Variants in PRR3 observed in about 807,000 individuals in gnomAD.
PRR3 encodes the protein proline rich 3, also known as proline-rich protein 3.
A neutral mutation model predicts 22.4 loss-of-function variants in PRR3; 16 were observed. That is an observed-to-expected ratio of 0.71 (90% confidence interval 0.48 to 1.09). The LOEUF (loss-of-function observed/expected upper bound fraction) is 1.09. Ranked by LOEUF, PRR3 falls within the 50% of genes least tolerant of loss-of-function variation. PRR3 has a pLI of 0.00. For synonymous variants in PRR3, 87 were observed against 88.6 expected (o/e 0.98, Z 0.10); for missense variants, 224 against 243.4 (o/e 0.92, Z 0.53).
intron 3 of PRR3, 66 bp from the exon 4 acceptor site, chr6:30,562,323 C>T (rs751137781): frequency 2.3e-5 from 30 of 1,282,464 alleles, no homozygotes; most frequent in Middle Eastern, 1.9e-4. Context: ...TCTGTCTCTG[C>T]GTTTCATTGT....
chr6:30,557,102 A>T (rs1800280332), upstream of PRR3: 4 of 702,460 alleles, frequency 5.7e-6, no homozygotes, highest in Non-Finnish European at 7.8e-6. Flanking sequence ...TAATTTTTTC[A>T]AAGCATTTAT....
chr6:30,557,203 T>C, upstream of PRR3: 1 of 744,488 alleles, frequency 1.3e-6, no homozygotes, highest in Non-Finnish European at 2.4e-6. Flanking sequence ...CCGCCGCAGA[T>C]GTTCTCCGCA....
Position 30,562,741 on chromosome 6 carries a change from T to G in PRR3, c.*246T>G. 2.5e-6 allele frequency: 1 copy of G among 398,536 alleles called. No homozygotes were observed. The highest frequency in any genetic ancestry group is 4.2e-5 in the Admixed American group (1 of 23,872). 24.7% of individuals were successfully genotyped at this position (398,536 alleles called of 1,614,324 possible). On this transcript the variant is annotated 3_prime_UTR_variant, in exon 4 of 4. Coordinates refer to ENST00000376560, the MANE Select transcript of PRR3 (RefSeq NM_025263.4). ...CTTTGGGACCCATCTTTGCTTCCTT[T>G]CAGTTGCCTCCTGGATCTTCTTTCC... is the stretch of plus-strand genomic sequence containing the variant.
At position 30,562,127 on chromosome 6, in the gene PRR3, GA is replaced by G; in HGVS notation, c.460+4del. 6.4e-7 allele frequency: 1 copy of G among 1,563,134 alleles called. No individual in the cohort carries two copies. ...GGATGACCCCCAGGTTATGGAAGGT[GA>G]GGTCCATTTTGTTATGCCCATTACT... is the stretch of plus-strand genomic sequence containing the variant. On this transcript the variant is annotated splice_donor_region_variant and intron_variant, in intron 3 of 3. Transcript: ENST00000376560.
chr6:30,562,615 C>T lies in PRR3; in HGVS notation c.*120C>T. The T allele has an allele frequency of 1.5e-6, 1 of 670,662 alleles. No homozygotes were observed. Among genetic ancestry groups the T allele is most frequent in the Non-Finnish European group, 2.6e-6 (1 of 382,010 alleles). The allele number at this position is 670,662 out of a possible 1,614,324, so 41.5% of individuals were successfully genotyped here. Reference sequence around the variant, plus strand: ...CTAACACCCTCAGTCAGTGACACACCCATCCCATCCACCACTTCCCCCGTG... The same window carrying T: ...CTAACACCCTCAGTCAGTGACACACTCATCCCATCCACCACTTCCCCCGTG... On this transcript the variant is annotated 3_prime_UTR_variant, in exon 4 of 4. Transcript: ENST00000376560.
intron 2 of PRR3, among the ~76,000 whole-genome samples, chr6:30,559,041 C>T (rs892997376): frequency 6.6e-6 from 1 of 152,208 alleles, no homozygotes; most frequent in Non-Finnish European, 1.5e-5. Flanking sequence ...CGTATACACA[C>T]TAACCATAAA....
Position 30,561,612 on chromosome 6 carries a change from C to A in PRR3, c.170-222C>A. 2 of 602,328 alleles carry A rather than the reference C, an allele frequency of 3.3e-6. No homozygotes were observed. The highest frequency in any genetic ancestry group is 5.9e-6 in the Non-Finnish European group (2 of 340,660). The allele number at this position is 602,328 out of a possible 1,614,324, so 37.3% of individuals were successfully genotyped here. Reference sequence around the variant, plus strand: ...GGAGGGTGGGTAATGGGAAAAGGGGCACAAGGGGAGGATCTTTTGAGGTGC... The same window carrying A: ...GGAGGGTGGGTAATGGGAAAAGGGGAACAAGGGGAGGATCTTTTGAGGTGC... On this transcript the variant is annotated intron_variant, in intron 2 of 3. Transcript: ENST00000376560. This position sits in a 1 kb window ranked among gnomAD's most constrained non-coding sequence, Gnocchi z 4.0.
At position 30,562,307 on chromosome 6, in the gene PRR3, TCTC is replaced by T. The variant is rs543334722; in HGVS notation, c.461-79_461-77del. 8.5e-4 allele frequency: 1,032 copies of T among 1,207,988 alleles called. 11 individuals carry two copies. In the African/African-American group the frequency reaches 0.014, roughly 17 times the overall value. 74.8% of individuals were successfully genotyped at this position (1,207,988 alleles called of 1,614,324 possible). A position where few individuals can be genotyped will look rare whatever the true frequency, so the allele number is the denominator to read the frequency against. On this transcript the variant is annotated intron_variant, in intron 3 of 3. Transcript: ENST00000376560. ...AAATGGTAGGGGGTAGAAAATCAGT[TCTC>T]CTTCTGTCTCTGCGTTTCATTGTAT...
chr6:30,560,923 T>C lies in PRR3; in HGVS notation c.170-911T>C, dbSNP rs548668719. 64 of 161,518 alleles carry C rather than the reference T, an allele frequency of 4.0e-4. 1 individual carries two copies. The East Asian group carries it at 9.5e-3, about 24-fold the overall frequency. 10.0% of individuals were successfully genotyped at this position (161,518 alleles called of 1,614,324 possible). A position where few individuals can be genotyped will look rare whatever the true frequency, so the allele number is the denominator to read the frequency against. ...AATAAAAACCGAACAAAACAAGGCA[T>C]GATGATTCATGCCTGTAATCCCAGC... is the stretch of plus-strand genomic sequence containing the variant. On this transcript the variant is annotated intron_variant, in intron 2 of 3. Transcript: ENST00000376560.
chr6:30,558,180 T>C lies in PRR3; in HGVS notation c.137T>C (p.Met46Thr). The C allele has an allele frequency of 6.2e-7, 1 of 1,612,974 alleles. No homozygotes were observed. The highest frequency in any genetic ancestry group is 2.2e-5 in the East Asian group (1 of 44,880). Residue 46 changes from methionine to threonine, a missense_variant, in exon 2 of 4, where the codon ATG (methionine) becomes ACG (threonine). Transcript: ENST00000376560. ...GPPSLLGPPP[M>T]ANGKPGDPKS... is the part of the protein sequence containing the mutation. ...CCCAGCCTTCTGGGCCCTCCCCCCA[T>C]GGCCAATGGAAAACCTGGCGACCCT...
Position 30,557,350 on chromosome 6 carries a change from G to T in PRR3, c.6G>T (p.Pro2=), listed in dbSNP as rs778214656. The T allele has an allele frequency of 1.2e-6, 2 of 1,611,950 alleles. No individual in the cohort carries two copies. Among genetic ancestry groups the T allele is most frequent in the Non-Finnish European group, 1.7e-6 (2 of 1,179,620 alleles). The part of the protein sequence containing the change: M[P]KRKKQNHHQP... ...CAGCCATTGCCGCAGACACGATGCC[G>T]AAACGAAAGAAGCAGAATCATCACC... Residue 2 remains proline, a synonymous_variant, in exon 1 of 4, where the codon CCG becomes CCT. Coordinates refer to ENST00000376560, the MANE Select transcript of PRR3 (RefSeq NM_025263.4).
Position 30,557,382 on chromosome 6 carries a change from C to T in PRR3, c.38C>T (p.Pro13Leu), listed in dbSNP as rs1266909896. The T allele has an allele frequency of 1.2e-6, 2 of 1,612,766 alleles. No individual in the cohort carries two copies. The highest frequency in any genetic ancestry group is 1.1e-5 in the South Asian group (1 of 91,052). ...KRKKQNHHQPPTQQQPPLPER... is the reference protein window; with the variant it reads ...KRKKQNHHQPLTQQQPPLPER... The stretch of plus-strand genomic sequence containing the variant: ...AAGAAGCAGAATCATCACCAGCCAC[C>T]GACACAGCAGCAGCCCCCGCTGCCC... Residue 13 changes from proline to leucine, a missense_variant, in exon 1 of 4, where the codon CCG (proline) becomes CTG (leucine). By Grantham distance (98) the Pro-to-Leu change is moderately conservative. Coordinates refer to ENST00000376560, the MANE Select transcript of PRR3 (RefSeq NM_025263.4).
rs747989052 is a variant in PRR3 at position 30,562,037 on chromosome 6, A to G, written c.373A>G (p.Lys125Glu). The G allele has an allele frequency of 5.5e-5, 89 of 1,612,864 alleles. No individual in the cohort carries two copies. Among genetic ancestry groups the G allele is most frequent in the Non-Finnish European group, 7.4e-5 (87 of 1,180,000 alleles). ...GGGTCCCACCAGGGGAAGCTTTCAC[A>G]AGGAACAGAGAAACCCTCGAAGGCT... is the stretch of plus-strand genomic sequence containing the variant. ...HGGPTRGSFH[K>E]EQRNPRRLKS... The change falls in exon 3 of 4, where the codon AAG becomes GAG. Residue 125 changes from lysine to glutamate, a missense_variant. Lys to Glu is a moderately conservative substitution (Grantham distance 56). Transcript: ENST00000376560.
At position 30,561,488 on chromosome 6, in the gene PRR3, A is replaced by G; in HGVS notation, c.170-346A>G. The G allele has an allele frequency of 1.8e-6, 1 of 546,120 alleles. No individual in the cohort carries two copies. The highest frequency in any genetic ancestry group is 1.6e-5 in the South Asian group (1 of 63,362). The allele number at this position is 546,120 out of a possible 1,614,324, so 33.8% of individuals were successfully genotyped here. On this transcript the variant is annotated intron_variant, in intron 2 of 3. Transcript: ENST00000376560. The surrounding 1 kb of genome is among the most constrained non-coding windows in gnomAD (Gnocchi z 4.0). ...AACATGATGTTGAGCGAAAGGAGCCAGACATAAAAGAATGCAGACTGTATG... is the reference window on the plus strand; with the variant it reads ...AACATGATGTTGAGCGAAAGGAGCCGGACATAAAAGAATGCAGACTGTATG...
chr6:30,562,178 G>T (rs558039385), intron 3 of PRR3, 54 bp downstream of exon 3: 2 of 1,501,708 alleles, frequency 1.3e-6, no homozygotes, highest in South Asian at 2.7e-5. Context: ...ATTTTCAGAA[G>T]ATCATTCACA....
rs1800759635 is a variant in PRR3, at chr6:30,563,148, G to A, written c.*653G>A. The A allele has an allele frequency of 6.6e-6, 1 of 152,634 alleles. No homozygotes were observed. Among genetic ancestry groups the A allele is most frequent in the Admixed American group, 6.5e-5 (1 of 15,268 alleles). The allele number at this position is 152,634 out of a possible 1,614,324, so 9.5% of individuals were successfully genotyped here. A position where few individuals can be genotyped will look rare whatever the true frequency, so the allele number is the denominator to read the frequency against. On this transcript the variant is annotated 3_prime_UTR_variant, in exon 4 of 4. Transcript: ENST00000376560. ...GCATCCCCTTGTAGCCTTTCTCAGT[G>A]TCCGTGGCATTTTTGTGACTTCCCA... is the stretch of plus-strand genomic sequence containing the variant.
chr6:30,560,039 G>C (rs1372752617), intron 2 of PRR3: 1 of 152,250 alleles, frequency 6.6e-6, no homozygotes, highest in African/African-American at 2.4e-5. Flanking sequence ...TAAAGACATA[G>C]TGTATTATTC....
At chr6:30,558,539 T>C in intron 2 of PRR3, 1 of 337,442 alleles carries the variant, frequency 3.0e-6, no homozygotes, top group East Asian at 5.3e-5. Flanking sequence ...TATCAAGATT[T>C]GTAAGCTGGG....
chr6:30,557,428 T>C lies in PRR3; in HGVS notation c.84T>C (p.Asp28=), dbSNP rs753022521. The C allele has an allele frequency of 2.2e-5, 36 of 1,610,830 alleles. No homozygotes were observed. The highest frequency in any genetic ancestry group is 3.0e-5 in the Non-Finnish European group (35 of 1,179,192). The part of the protein sequence containing the change: ...PPLPEREETG[D]EEDGSPIGPP... Reference sequence around the variant, plus strand: ...TGCCCGAGCGGGAAGAGACTGGAGATGAGGAGGATGGGAGTCCCATCGGTG... The same window carrying C: ...TGCCCGAGCGGGAAGAGACTGGAGACGAGGAGGATGGGAGTCCCATCGGTG... Residue 28 remains aspartate (D), a synonymous_variant, in exon 1 of 4, where the codon GAT becomes GAC. Transcript: ENST00000376560.
Sources: gnomAD v4.1 joint callset for allele counts (sites outside exome capture counted in the v4.1 genomes callset) on GRCh38, gnomAD v4.1.1 for gene constraint, Gnocchi (gnomAD v3.1) non-coding constraint, MANE v1.5 for transcripts, NCBI Gene and HGNC (gene_info 2026-07-23, HGNC 2026-07-21) for gene names.